CDH11: variants seen among roughly 807,000 people sequenced by gnomAD.
The protein encoded by CDH11 is cadherin 11, also known as cadherin-11.
CDH11 carries 11 observed loss-of-function variants against 67.8 expected under a neutral mutation model. That is an observed-to-expected ratio of 0.16 (90% confidence interval 0.10 to 0.27). The LOEUF (loss-of-function observed/expected upper bound fraction) is 0.27, where lower values mean the gene tolerates loss of function less well. Among genes scored for constraint, CDH11 ranks in the 10% least tolerant of loss-of-function variants. The pLI, the probability that CDH11 is intolerant of heterozygous loss-of-function variation, is 1.00. For missense variants in CDH11, 847 were observed against 1,031.2 expected, an observed-to-expected ratio of 0.82 and a Z score of 2.45; for synonymous variants, 419 against 400.0, an observed-to-expected ratio of 1.05 and a Z score of -0.57.
At chr16:65,030,425 A>G (rs1487488325) in intron 2 of CDH11, among the ~76,000 whole-genome samples, 1 of 152,224 alleles carries the variant, frequency 6.6e-6, no homozygotes, top group East Asian at 1.9e-4. Flanking sequence ...TCAATCTTCA[A>G]GTACCATGTT....
At chr16:65,055,390 T>C (rs1045965257) in intron 1 of CDH11, among the ~76,000 whole-genome samples, 2 of 152,190 alleles carry the variant, frequency 1.3e-5, no homozygotes, top group African/African-American at 4.8e-5. Context: ...AGAAAATTAC[T>C]CTTGAGCCTT....
At chr16:65,031,294 ATGT>A (rs1214363175) in intron 2 of CDH11, among the ~76,000 whole-genome samples, 1 of 152,228 alleles carries the variant, frequency 6.6e-6, no homozygotes, top group Non-Finnish European at 1.5e-5. Flanking sequence ...TAGCAAACAA[ATGT>A]TGTTATGGTC....
Position 65,006,508 on chromosome 16 carries a change from A to G in CDH11, c.-172-1467T>C, listed in dbSNP as rs946321923. ...AATCTGGGTTACTCTGGGCATGCCA[A>G]TCAATCACTCTGAACCTCCATGTTT... On this transcript the variant is annotated intron_variant, in intron 2 of 12. Coordinates refer to ENST00000268603, the MANE Select transcript of CDH11 (RefSeq NM_001797.4). Among the ~76,000 whole-genome samples, 4 of 152,160 alleles carry G rather than the reference A, an allele frequency of 2.6e-5. No individual in the cohort carries two copies. In the East Asian group the frequency reaches 5.8e-4, roughly 22 times the overall value.
At chr16:65,036,716 C>T (rs1044280165) in intron 2 of CDH11, among the ~76,000 whole-genome samples, 2 of 151,942 alleles carry the variant, frequency 1.3e-5, no homozygotes, top group Admixed American at 6.5e-5. Flanking sequence ...AAATGCAGAC[C>T]CCCCTCAAAA....
intron 2 of CDH11, among the ~76,000 whole-genome samples, chr16:65,017,661 G>C (rs2073338001): frequency 6.6e-6 from 1 of 152,136 alleles, no homozygotes; most frequent in Non-Finnish European, 1.5e-5. Flanking sequence ...CTGGACACTT[G>C]TTAGAACTAA....
At chr16:65,023,341 G>A (rs1030401916) in intron 2 of CDH11, among the ~76,000 whole-genome samples, 1 of 152,206 alleles carries the variant, frequency 6.6e-6, no homozygotes, top group Admixed American at 6.5e-5. Context: ...GGTCTAAATG[G>A]TGCCCATGAG....
chr16:64,966,629 A>AT (rs2071836007), intron 11 of CDH11, among the ~76,000 whole-genome samples: 1 of 152,118 alleles, frequency 6.6e-6, no homozygotes, highest in Non-Finnish European at 1.5e-5. Flanking sequence ...CATAAATAAT[A>AT]TTTTTAAAAT....
In CDH11 at chr16:65,121,292, T is replaced by G. The variant is rs2075325146; in HGVS notation, c.-298+588A>C. Among the ~76,000 whole-genome samples, 1 of 152,170 alleles carries G rather than the reference T, an allele frequency of 6.6e-6. No homozygotes were observed. The highest frequency in any genetic ancestry group is 2.4e-5 in the African/African-American group (1 of 41,456). The stretch of plus-strand genomic sequence containing the variant: ...AGTCGGCGGCCCCAAACCCACGCTA[T>G]TAAAGTGCGGGCAATCTCCTTCCGG... On this transcript the variant is annotated intron_variant, in intron 1 of 12. Coordinates refer to ENST00000268603, the MANE Select transcript of CDH11 (RefSeq NM_001797.4). This position sits in a 1 kb window ranked among gnomAD's most constrained non-coding sequence, Gnocchi z 4.1.
intron 1 of CDH11, among the ~76,000 whole-genome samples, chr16:65,076,836 T>C (rs1377422624): frequency 1.3e-5 from 2 of 152,168 alleles, no homozygotes; most frequent in Non-Finnish European, 1.5e-5. Flanking sequence ...GCTTAAACCA[T>C]GTCCCTGCAA....
chr16:65,034,336 T>A (rs1223825165), intron 2 of CDH11, among the ~76,000 whole-genome samples: 1 of 152,210 alleles, frequency 6.6e-6, no homozygotes, highest in African/African-American at 2.4e-5. Flanking sequence ...AAATGCCTGC[T>A]GCTTAAGCCA....
intron 1 of CDH11, among the ~76,000 whole-genome samples, chr16:65,089,922 A>G (rs1262502625): frequency 6.6e-6 from 1 of 152,144 alleles, no homozygotes; most frequent in Non-Finnish European, 1.5e-5. Flanking sequence ...ATTTTCAATA[A>G]TAATATATTA....
At chr16:65,059,109 A>T (rs1295310509) in intron 1 of CDH11, among the ~76,000 whole-genome samples, 1 of 152,136 alleles carries the variant, frequency 6.6e-6, no homozygotes, top group Non-Finnish European at 1.5e-5. Flanking sequence ...TTTTTTTCAG[A>T]TGAGGAATCT....
chr16:65,110,811 G>A (rs2075144177), intron 1 of CDH11, among the ~76,000 whole-genome samples: 1 of 152,062 alleles, frequency 6.6e-6, no homozygotes. Context: ...TCCTATAAAG[G>A]TGCTTATTGG....
intron 1 of CDH11, among the ~76,000 whole-genome samples, chr16:65,082,922 T>C (rs1665493145): frequency 1.3e-5 from 2 of 152,192 alleles, no homozygotes; most frequent in African/African-American, 4.8e-5. Context: ...TAATAGGCTG[T>C]GGGCACTGCA....
At chr16:64,971,738 T>G in intron 10 of CDH11, 42 bp from the exon 11 acceptor site, 2 of 1,452,594 alleles carry the variant, frequency 1.4e-6, no homozygotes, top group South Asian at 2.3e-5. Context: ...ATGCTGACAT[T>G]GGCACATCAT....
chr16:65,037,569 T>C (rs1033231969), intron 2 of CDH11, among the ~76,000 whole-genome samples: 1 of 152,124 alleles, frequency 6.6e-6, no homozygotes, highest in African/African-American at 2.4e-5. Context: ...CCTTCTGGTG[T>C]AGACACTGAT....
upstream of CDH11, chr16:65,122,249 C>T (rs1597222295): frequency 2.3e-6 from 1 of 439,342 alleles, no homozygotes; most frequent in East Asian, 4.9e-5. Flanking sequence ...CTGCGGGGGC[C>T]GACCCCGTCC....
chr16:65,033,447 T>C (rs893595881), intron 2 of CDH11, among the ~76,000 whole-genome samples: 2 of 152,120 alleles, frequency 1.3e-5, no homozygotes, highest in African/African-American at 2.4e-5. Flanking sequence ...ATGATAAAAA[T>C]TTAGCACCAG....
At chr16:64,964,139 T>G (rs545353185) in intron 11 of CDH11, among the ~76,000 whole-genome samples, 286 of 152,364 alleles carry the variant, frequency 1.9e-3, no homozygotes, top group Non-Finnish European at 3.4e-3. Flanking sequence ...TAGGTATGGT[T>G]ATTCATATAT....
Sources: gnomAD v4.1 joint callset for allele counts (sites outside exome capture counted in the v4.1 genomes callset) on GRCh38, gnomAD v4.1.1 for gene constraint, Gnocchi (gnomAD v3.1) non-coding constraint, MANE v1.5 for transcripts, NCBI Gene and HGNC (gene_info 2026-07-23, HGNC 2026-07-21) for gene names.